GLP1R: variants seen among roughly 807,000 people sequenced by gnomAD.
The protein encoded by GLP1R is glucagon-like peptide 1 receptor.
A neutral mutation model predicts 68.4 loss-of-function variants in GLP1R; 32 were observed. The observed-to-expected ratio is 0.47, with a 90% confidence interval of 0.35 to 0.63. GLP1R has a LOEUF of 0.63. Among genes scored for constraint, GLP1R ranks in the 20% least tolerant of loss-of-function variants. GLP1R has a pLI of 0.00. For synonymous variants in GLP1R, 263 were observed against 244.4 expected, an observed-to-expected ratio of 1.08 and a Z score of -0.71; for missense variants, 502 against 594.9, an observed-to-expected ratio of 0.84 and a Z score of 1.62.
intron 3 of GLP1R, among the ~76,000 whole-genome samples, chr6:39,061,187 C>T (rs1768348477): frequency 1.3e-5 from 2 of 152,174 alleles, no homozygotes; most frequent in African/African-American, 4.8e-5. Context: ...ACTTGGGTCT[C>T]AGGATTGTGC....
Position 39,086,211 on chromosome 6 carries a change from C to T in GLP1R, c.*138C>T. ...CACACACACACACACACACATACAT[C>T]CTGCTTTCCCTCCCCAAACCCATCA... On this transcript the variant is annotated 3_prime_UTR_variant, in exon 13 of 13. Transcript: ENST00000373256. This position sits in a 1 kb window ranked among gnomAD's most constrained non-coding sequence, Gnocchi z 4.5. The T allele has an allele frequency of 1.6e-6, 1 of 622,034 alleles. No individual in the cohort carries two copies. Among genetic ancestry groups the T allele is most frequent in the East Asian group, 2.8e-5 (1 of 35,708 alleles). 38.5% of individuals were successfully genotyped at this position (622,034 alleles called of 1,614,324 possible).
rs10305511 is a variant in GLP1R at position 39,086,114 on chromosome 6, C to T, written c.*41C>T. The T allele has an allele frequency of 3.8e-4, 594 of 1,583,126 alleles. 8 individuals carry two copies. In the South Asian group the frequency reaches 5.6e-3, roughly 15 times the overall value. ...CCTCCCTGGGGTCCTTGCTGCAGGC[C>T]GGGTGGCCAATCCAGGTGGGAGAGA... On this transcript the variant is annotated 3_prime_UTR_variant, in exon 13 of 13. Coordinates refer to ENST00000373256, the MANE Select transcript of GLP1R (RefSeq NM_002062.5). The surrounding 1 kb of genome is among the most constrained non-coding windows in gnomAD (Gnocchi z 4.5).
At position 39,085,998 on chromosome 6, in the gene GLP1R, C is replaced by T. The variant is rs2150840372; in HGVS notation, c.1317C>T (p.Pro439=). 6.2e-7 allele frequency: 1 copy of T among 1,614,034 alleles called. No homozygotes were observed. Among genetic ancestry groups the T allele is most frequent in the African/African-American group, 1.3e-5 (1 of 75,022 alleles). ...RDSSMKPLKC[P]TSSLSSGATA... ...GCAGCATGAAGCCCCTCAAGTGTCC[C>T]ACCAGCAGCCTGAGCAGTGGAGCCA... Residue 439 remains proline (P), a synonymous_variant, in exon 13 of 13, where the codon CCC becomes CCT. Transcript: ENST00000373256.
chr6:39,057,939 G>A (rs911358997), intron 3 of GLP1R, among the ~76,000 whole-genome samples: 5 of 152,216 alleles, frequency 3.3e-5, no homozygotes, highest in African/African-American at 4.8e-5. Flanking sequence ...AGGTCAAGGC[G>A]CTGCTTCCTT....
At chr6:39,071,905 C>G (rs1278449670) in intron 5 of GLP1R, among the ~76,000 whole-genome samples, 1 of 152,114 alleles carries the variant, frequency 6.6e-6, no homozygotes, top group African/African-American at 2.4e-5. Context: ...ATGTATCTAT[C>G]TCCCACTAGT....
In GLP1R at chr6:39,086,134, G is replaced by C. The variant is rs1562021167; in HGVS notation, c.*61G>C. 1 of 1,361,558 alleles carries C rather than the reference G, an allele frequency of 7.3e-7. No individual in the cohort carries two copies. The allele number at this position is 1,361,558 out of a possible 1,614,324, so 84.3% of individuals were successfully genotyped here. On this transcript the variant is annotated 3_prime_UTR_variant, in exon 13 of 13. Transcript: ENST00000373256. This position sits in a 1 kb window ranked among gnomAD's most constrained non-coding sequence, Gnocchi z 4.5. ...CAGGCCGGGTGGCCAATCCAGGTGGGAGAGACACTCCCAGGGACAAGGGAA... is the reference window on the plus strand; with the variant it reads ...CAGGCCGGGTGGCCAATCCAGGTGGCAGAGACACTCCCAGGGACAAGGGAA...
chr6:39,079,499 A>G lies in GLP1R; in HGVS notation c.1044-65A>G. 6.8e-7 allele frequency: 1 copy of G among 1,461,382 alleles called. No homozygotes were observed. Among genetic ancestry groups the G allele is most frequent in the Non-Finnish European group, 9.2e-7 (1 of 1,082,400 alleles). The allele number at this position is 1,461,382 out of a possible 1,614,324, so 90.5% of individuals were successfully genotyped here. ...ACTTGGTAGGAAGTGGGGAGGGTAG[A>G]GAAAGGGAAGAAGAGTCCATGGGAG... On this transcript the variant is annotated intron_variant, in intron 10 of 12. Transcript: ENST00000373256. The surrounding 1 kb of genome is among the most constrained non-coding windows in gnomAD (Gnocchi z 4.5).
At chr6:39,072,787 T>C in intron 5 of GLP1R, 75 bp from the exon 6 acceptor site, 1 of 1,331,248 alleles carries the variant, frequency 7.5e-7, no homozygotes, top group Non-Finnish European at 1.1e-6. Context: ...ATGTGTGTGT[T>C]AGCTTGAGAG....
At chr6:39,050,599 C>A (rs1347152358) in intron 1 of GLP1R, among the ~76,000 whole-genome samples, 3 of 152,094 alleles carry the variant, frequency 2.0e-5, no homozygotes, top group East Asian at 3.9e-4. Context: ...GGGAGGGGAG[C>A]TTTGAGGGGG....
intron 2 of GLP1R, among the ~76,000 whole-genome samples, chr6:39,056,844 G>A (rs919618535): frequency 6.6e-6 from 1 of 152,044 alleles, no homozygotes; most frequent in Non-Finnish European, 1.5e-5. Context: ...CTGCACCGCC[G>A]GCCAGCCCCC....
In GLP1R at chr6:39,073,891, C is replaced by T. The variant is rs1021996708; in HGVS notation, c.823+122C>T. On this transcript the variant is annotated intron_variant, in intron 7 of 12. Transcript: ENST00000373256. ...GGGGCAAGGCCCACTGGGTAACCCT[C>T]TTCCTGGGCACAGGACCTTCTGCCC... 6 of 826,632 alleles carry T rather than the reference C, an allele frequency of 7.3e-6. No homozygotes were observed. The African/African-American group carries it at 1.0e-4, about 14-fold the overall frequency. 51.2% of individuals were successfully genotyped at this position (826,632 alleles called of 1,614,324 possible).
intron 3 of GLP1R, among the ~76,000 whole-genome samples, chr6:39,058,642 T>TATCATCATCATCATC (rs112102888): frequency 0.2 from 29,435 of 149,820 alleles, 3,687 homozygotes; most frequent in Non-Finnish European, 0.28. Flanking sequence ...GATATTTCCC[T>TATCATCATCATCATC]ATCATCATCA....
intron 7 of GLP1R, among the ~76,000 whole-genome samples, chr6:39,076,980 G>A (rs1583643914): frequency 6.6e-6 from 1 of 152,304 alleles, no homozygotes; most frequent in African/African-American, 2.4e-5. Flanking sequence ...GGCTCTGAAG[G>A]TGAGTGAGGC....
Position 39,048,989 on chromosome 6 carries a change from G to A in GLP1R, c.78+71G>A, listed in dbSNP as rs528095169. On this transcript the variant is annotated intron_variant, in intron 1 of 12. Transcript: ENST00000373256. ...TGCGGGCTGCAGGCGCAGTGTCCTG[G>A]TGGAGGGCCCCGGGACTTGAACGAA... is the stretch of plus-strand genomic sequence containing the variant. 5.7e-4 allele frequency: 351 copies of A among 616,556 alleles called. 1 individual carries two copies. The African/African-American group carries it at 6.0e-3, about 11-fold the overall frequency. 38.2% of individuals were successfully genotyped at this position (616,556 alleles called of 1,614,324 possible).
rs1033116997 is a variant in GLP1R, at chr6:39,088,492, G to T, written c.*2419G>T. ...GAACTCTCGGCTGCCTCTGTCCTGG[G>T]GTACTATTGCTGACCAGCAGGGTGT... is the stretch of plus-strand genomic sequence containing the variant. On this transcript the variant is annotated 3_prime_UTR_variant, in exon 13 of 13. Coordinates refer to ENST00000373256, the MANE Select transcript of GLP1R (RefSeq NM_002062.5). Among the ~76,000 whole-genome samples, 2 of 152,142 alleles carry T rather than the reference G, an allele frequency of 1.3e-5. No homozygotes were observed. Among genetic ancestry groups the T allele is most frequent in the African/African-American group, 4.8e-5 (2 of 41,412 alleles).
intron 5 of GLP1R, 43 bp from the exon 6 acceptor site, chr6:39,072,819 T>A: frequency 6.3e-7 from 1 of 1,587,190 alleles, no homozygotes; most frequent in Non-Finnish European, 8.6e-7. Context: ...AGAGCAGAAC[T>A]GTTGGCTGCC....
At chr6:39,062,138 C>T (rs531718780) in intron 3 of GLP1R, among the ~76,000 whole-genome samples, 14 of 152,336 alleles carry the variant, frequency 9.2e-5, no homozygotes, top group Admixed American at 3.3e-4. Flanking sequence ...TGATTACAGG[C>T]GCCGCAGCAG....
In GLP1R at chr6:39,086,036, G is replaced by A; in HGVS notation, c.1355G>A (p.Ser452Asn). The A allele has an allele frequency of 6.2e-7, 1 of 1,614,022 alleles. No homozygotes were observed. Among genetic ancestry groups the A allele is most frequent in the Non-Finnish European group, 8.5e-7 (1 of 1,179,956 alleles). Residue 452 changes from serine to asparagine, a missense_variant, in exon 13 of 13, where the codon AGC becomes AAC. Coordinates refer to ENST00000373256, the MANE Select transcript of GLP1R (RefSeq NM_002062.5). The surrounding 1 kb of genome is among the most constrained non-coding windows in gnomAD (Gnocchi z 4.5). Reference protein sequence around the residue: ...SLSSGATAGSSMYTATCQASC... With the variant: ...SLSSGATAGSNMYTATCQASC... ...AGCAGTGGAGCCACGGCGGGCAGCA[G>A]CATGTACACAGCCACTTGCCAGGCC...
In GLP1R at chr6:39,087,824, G is replaced by C. The variant is rs1769187992; in HGVS notation, c.*1751G>C. 6.6e-6 allele frequency: 1 copy of C among 152,162 alleles called. No individual in the cohort carries two copies. The highest frequency in any genetic ancestry group is 2.4e-5 in the African/African-American group (1 of 41,436). 9.4% of individuals were successfully genotyped at this position (152,162 alleles called of 1,614,324 possible). A position where few individuals can be genotyped will look rare whatever the true frequency, so the allele number is the denominator to read the frequency against. On this transcript the variant is annotated 3_prime_UTR_variant, in exon 13 of 13. Transcript: ENST00000373256. ...AAGGAATTGTGTGGATGGCTGCCTT[G>C]ACTGAGACAATATGGGCAGGGGGGC...
Sources: allele counts gnomAD v4.1 joint callset (sites outside exome capture counted in the v4.1 genomes callset), GRCh38; gene constraint gnomAD v4.1.1; non-coding constraint Gnocchi (gnomAD v3.1); transcripts MANE v1.5; gene names NCBI Gene and HGNC (gene_info 2026-07-23, HGNC 2026-07-21).